Variants in ST6GALNAC3 observed in about 807,000 individuals in gnomAD.
ST6GALNAC3 encodes the protein alpha-N-acetylgalactosaminide alpha-2,6-sialyltransferase 3.
A neutral mutation model predicts 32.7 loss-of-function variants in ST6GALNAC3; 25 were observed. The observed-to-expected ratio is 0.76, with a 90% confidence interval of 0.56 to 1.07. ST6GALNAC3 has a LOEUF of 1.07. Ranked by LOEUF, ST6GALNAC3 falls within the 50% of genes least tolerant of loss-of-function variation. The pLI, the probability that ST6GALNAC3 is intolerant of heterozygous loss-of-function variation, is 0.00. For synonymous variants in ST6GALNAC3, 129 were observed against 133.1 expected (o/e 0.97, Z 0.21); for missense variants, 355 against 382.4 (o/e 0.93, Z 0.60).
chr1:76,493,607 C>T (rs1660630782), intron 3 of ST6GALNAC3, among the ~76,000 whole-genome samples: 1 of 152,102 alleles, frequency 6.6e-6, no homozygotes, highest in African/African-American at 2.4e-5. Flanking sequence ...ATGCCTCTCT[C>T]TCTGTTTTAA....
chr1:76,292,463 G>A (rs552763029), intron 1 of ST6GALNAC3, among the ~76,000 whole-genome samples: 1 of 152,254 alleles, frequency 6.6e-6, no homozygotes, highest in South Asian at 2.1e-4. Flanking sequence ...TGGTAACCAT[G>A]AGTCCTCTTT....
At chr1:76,215,921 C>T (rs548079687) in intron 1 of ST6GALNAC3, among the ~76,000 whole-genome samples, 20 of 152,064 alleles carry the variant, frequency 1.3e-4, no homozygotes, top group Non-Finnish European at 2.4e-4. Flanking sequence ...GCTTGCCAGG[C>T]GCTGGAGATT....
intron 1 of ST6GALNAC3, among the ~76,000 whole-genome samples, chr1:76,079,657 T>C (rs1375759916): frequency 6.6e-6 from 1 of 152,224 alleles, no homozygotes; most frequent in Non-Finnish European, 1.5e-5. Flanking sequence ...ATATTTATCT[T>C]GATTGATAGG....
At chr1:76,561,294 C>G (rs1331619936) in intron 3 of ST6GALNAC3, among the ~76,000 whole-genome samples, 1 of 151,616 alleles carries the variant, frequency 6.6e-6, no homozygotes, top group Admixed American at 6.6e-5. Context: ...TTTGATAGCC[C>G]AATAGGGTAC....
At chr1:76,575,701 G>T (rs955160818) in intron 3 of ST6GALNAC3, among the ~76,000 whole-genome samples, 2 of 152,068 alleles carry the variant, frequency 1.3e-5, no homozygotes, top group African/African-American at 4.8e-5. Flanking sequence ...GTGAAATGGT[G>T]TATTTACCAA....
chr1:76,537,842 C>A (rs1227186211), intron 3 of ST6GALNAC3, among the ~76,000 whole-genome samples: 1 of 152,044 alleles, frequency 6.6e-6, no homozygotes, highest in African/African-American at 2.4e-5. Flanking sequence ...TCTGAATAGA[C>A]CAATTACAAG....
chr1:76,231,843 G>A (rs1321251274), intron 1 of ST6GALNAC3, among the ~76,000 whole-genome samples: 2 of 152,094 alleles, frequency 1.3e-5, no homozygotes, highest in East Asian at 1.9e-4. Flanking sequence ...TTAGATTCTT[G>A]TGGATATTCC....
intron 3 of ST6GALNAC3, among the ~76,000 whole-genome samples, chr1:76,570,852 G>A (rs1162654046): frequency 2.0e-5 from 3 of 151,358 alleles, no homozygotes; most frequent in Non-Finnish European, 2.9e-5. Flanking sequence ...TCCTTTAATC[G>A]CTCAATGATT....
intron 3 of ST6GALNAC3, among the ~76,000 whole-genome samples, chr1:76,419,445 A>G (rs966229122): frequency 3.9e-5 from 6 of 152,146 alleles, no homozygotes; most frequent in African/African-American, 1.4e-4. Flanking sequence ...TAAATTTTAT[A>G]CAGGCTTTAA....
At chr1:76,376,707 A>G (rs1045333700) in intron 2 of ST6GALNAC3, among the ~76,000 whole-genome samples, 1 of 152,202 alleles carries the variant, frequency 6.6e-6, no homozygotes, top group African/African-American at 2.4e-5. Flanking sequence ...ATTTTTAATT[A>G]GTGTATTTAG....
At chr1:76,456,032 G>A (rs571244482) in intron 3 of ST6GALNAC3, among the ~76,000 whole-genome samples, 5 of 152,000 alleles carry the variant, frequency 3.3e-5, no homozygotes, top group Admixed American at 3.3e-4. Context: ...CAAAAATACA[G>A]AAGTTATTCT....
chr1:76,636,316 C>T (rs1161009745), downstream of ST6GALNAC3, among the ~76,000 whole-genome samples: 1 of 152,082 alleles, frequency 6.6e-6, no homozygotes, highest in African/African-American at 2.4e-5. Context: ...GATAGATGTG[C>T]CCTCACCTCT....
At chr1:76,259,274 C>G (rs1276052190) in intron 1 of ST6GALNAC3, among the ~76,000 whole-genome samples, 1 of 152,062 alleles carries the variant, frequency 6.6e-6, no homozygotes, top group Non-Finnish European at 1.5e-5. Context: ...AGAAATCAAA[C>G]AGCAGATACA....
rs1487378487 is a variant in ST6GALNAC3 at position 76,634,384 on chromosome 1, T to C, written c.*5578T>C. On this transcript the variant is annotated 3_prime_UTR_variant, in exon 5 of 5. Coordinates refer to ENST00000328299, the MANE Select transcript of ST6GALNAC3 (RefSeq NM_152996.4). ...GTCACTGTTACTGAGTAAATACCCA[T>C]TTCTGTTACATATGGTACATTTTTT... is the stretch of plus-strand genomic sequence containing the variant. The C allele has an allele frequency of 6.4e-6, 1 of 155,324 alleles. No individual in the cohort carries two copies. The highest frequency in any genetic ancestry group is 1.9e-4 in the East Asian group (1 of 5,212). The allele number at this position is 155,324 out of a possible 1,614,324, so 9.6% of individuals were successfully genotyped here.
chr1:76,291,457 G>A (rs1433169713), intron 1 of ST6GALNAC3, among the ~76,000 whole-genome samples: 1 of 152,198 alleles, frequency 6.6e-6, no homozygotes, highest in Non-Finnish European at 1.5e-5. Flanking sequence ...CACTCCCCAG[G>A]ACCCAATTAG....
chr1:76,347,398 G>T (rs1470517764), intron 2 of ST6GALNAC3, among the ~76,000 whole-genome samples: 2 of 151,746 alleles, frequency 1.3e-5, no homozygotes, highest in Non-Finnish European at 2.9e-5. Context: ...TCAGTTTCTT[G>T]CATTCTCCTT....
At chr1:76,259,447 G>A (rs917363299) in intron 1 of ST6GALNAC3, among the ~76,000 whole-genome samples, 1 of 152,108 alleles carries the variant, frequency 6.6e-6, no homozygotes, top group Non-Finnish European at 1.5e-5. Context: ...ATGCAGTGTT[G>A]GGTAAAACAC....
At chr1:76,163,747 T>G (rs1292260123) in intron 1 of ST6GALNAC3, among the ~76,000 whole-genome samples, 1 of 152,232 alleles carries the variant, frequency 6.6e-6, no homozygotes, top group African/African-American at 2.4e-5. Context: ...AGGATGGTTA[T>G]GAAAATTCAA....
chr1:76,564,798 T>G (rs558156586), intron 3 of ST6GALNAC3, among the ~76,000 whole-genome samples: 1 of 152,188 alleles, frequency 6.6e-6, no homozygotes, highest in African/African-American at 2.4e-5. Context: ...TTAGCCAGGA[T>G]GGTCTCGATC....
Sources: allele counts gnomAD v4.1 joint callset (sites outside exome capture counted in the v4.1 genomes callset), GRCh38; gene constraint gnomAD v4.1.1; transcripts MANE v1.5; gene names NCBI Gene and HGNC (gene_info 2026-07-23, HGNC 2026-07-21).